CD36: variants seen among roughly 807,000 people sequenced by gnomAD.
The protein encoded by CD36 is platelet glycoprotein 4.
In CD36, 119 loss-of-function variants were observed where a neutral mutation model predicts 55.2. The ratio of observed to expected loss-of-function variants is 2.15; its 90% CI spans 1.86 to 2.51. The LOEUF (loss-of-function observed/expected upper bound fraction) is 2.51. Among genes scored for constraint, CD36 ranks in the 30% most tolerant of loss-of-function variants. The pLI, the probability that CD36 is intolerant of heterozygous loss-of-function variation, is 0.00. For synonymous variants in CD36, 186 were observed against 193.6 expected, an observed-to-expected ratio of 0.96 and a Z score of 0.33; for missense variants, 819 against 555.5, an observed-to-expected ratio of 1.47 and a Z score of -4.77.
chr7:80,672,411 T>C lies in CD36; in HGVS notation c.1126-359T>C, dbSNP rs181683886. ...AAAAGTAAATGAAATTCTAGGATTT[T>C]AGTAGTTATGTTTTAGTTTAAACAA... On this transcript the variant is annotated intron_variant, in intron 11 of 14. Coordinates refer to ENST00000447544, the MANE Select transcript of CD36 (RefSeq NM_001001548.3). 7.9e-5 allele frequency among the ~76,000 whole-genome samples: 12 copies of C among 151,966 alleles called. No individual in the cohort carries two copies. In the East Asian group the frequency reaches 2.3e-3, roughly 29 times the overall value.
chr7:80,670,535 A>T (rs3211936), intron 9 of CD36: 2,294 of 218,570 alleles, frequency 0.01, 53 homozygotes, highest in African/African-American at 0.051. Context: ...TAAGAAAAAT[A>T]TGTGTATTGA....
intron 3 of CD36, among the ~76,000 whole-genome samples, chr7:80,647,444 T>C (rs1795255424): frequency 6.6e-6 from 1 of 152,128 alleles, no homozygotes; most frequent in Non-Finnish European, 1.5e-5. Context: ...AGAAAATACT[T>C]TCAGAAATAT....
chr7:80,671,088 T>C lies in CD36; in HGVS notation c.930T>C (p.Tyr310=), dbSNP rs1449348795. 6.2e-7 allele frequency: 1 copy of C among 1,612,998 alleles called. No homozygotes were observed. The highest frequency in any genetic ancestry group is 1.7e-5 in the Admixed American group (1 of 60,004). ...CTCCAGTTGAAAACCCAGACAACTA[T>C]TGTTTCTGCACAGAAAAAATTATCT... is the stretch of plus-strand genomic sequence containing the variant. The part of the protein sequence containing the change: ...FASPVENPDN[Y]CFCTEKIISK... Residue 310 remains tyrosine, a synonymous_variant, in exon 10 of 15, where the codon TAT becomes TAC. Transcript: ENST00000447544.
At chr7:80,612,657 A>G (rs1259853973) in intron 1 of CD36, among the ~76,000 whole-genome samples, 1 of 152,190 alleles carries the variant, frequency 6.6e-6, no homozygotes, top group African/African-American at 2.4e-5. Flanking sequence ...CACCTGAAAT[A>G]GAAGAGATAA....
At chr7:80,629,867 T>C (rs1180536455) in intron 1 of CD36, among the ~76,000 whole-genome samples, 2 of 150,012 alleles carry the variant, frequency 1.3e-5, no homozygotes, top group African/African-American at 4.9e-5. Flanking sequence ...TTCACCTAGA[T>C]TGTCTGGAGA....
At chr7:80,658,295 G>A (rs3211873) in intron 4 of CD36, among the ~76,000 whole-genome samples, 18,900 of 151,080 alleles carry the variant, frequency 0.13, 1,612 homozygotes, top group East Asian at 0.28. Flanking sequence ...ATATATATAT[G>A]TATTCATAGG....
At chr7:80,645,985 T>G (rs1273898631) in intron 1 of CD36, 103 bp from the exon 2 acceptor site, 1 of 152,244 alleles carries the variant, frequency 6.6e-6, no homozygotes, top group Non-Finnish European at 1.5e-5. Flanking sequence ...AAATTAGACT[T>G]TCTTTTAACA....
At chr7:80,650,402 C>T (rs3211830) in intron 3 of CD36, among the ~76,000 whole-genome samples, 15,171 of 151,812 alleles carry the variant, frequency 0.1, 1,057 homozygotes, top group East Asian at 0.33. Context: ...ATGATATTGG[C>T]GTATGTATAT....
intron 3 of CD36, among the ~76,000 whole-genome samples, chr7:80,653,826 ATAT>A (rs1204547608): frequency 2.6e-5 from 4 of 152,182 alleles, no homozygotes; most frequent in African/African-American, 9.6e-5. Flanking sequence ...CGTCAGAAGC[ATAT>A]TATTACTACT....
intron 11 of CD36, among the ~76,000 whole-genome samples, chr7:80,672,502 CTGATTTT>C (rs937003066): frequency 2.3e-4 from 35 of 151,674 alleles, no homozygotes; most frequent in African/African-American, 8.2e-4. Flanking sequence ...TATTTTGTTG[CTGATTTT>C]TGATTTTTTA....
At chr7:80,675,023 C>A (rs1048463793) in intron 14 of CD36, among the ~76,000 whole-genome samples, 6 of 151,968 alleles carry the variant, frequency 3.9e-5, no homozygotes, top group African/African-American at 1.5e-4. Flanking sequence ...TGTTTGTGAC[C>A]AAAGCATAAA....
At chr7:80,643,013 G>T (rs1794918232) in intron 1 of CD36, among the ~76,000 whole-genome samples, 1 of 152,082 alleles carries the variant, frequency 6.6e-6, no homozygotes, top group Non-Finnish European at 1.5e-5. Flanking sequence ...CAGTACCCAG[G>T]CCTGTCCATT....
At chr7:80,666,595 G>A (rs1449171127) in intron 8 of CD36, 106 bp downstream of exon 8, 5 of 839,666 alleles carry the variant, frequency 6.0e-6, no homozygotes, top group Admixed American at 1.8e-5. Context: ...GTGTTTACTT[G>A]CCTTTATATC....
chr7:80,666,847 T>C (rs1797138983), intron 8 of CD36, among the ~76,000 whole-genome samples: 1 of 152,072 alleles, frequency 6.6e-6, no homozygotes, highest in Non-Finnish European at 1.5e-5. Context: ...TAAGTTAGAA[T>C]TGAAAGAATT....
intron 1 of CD36, among the ~76,000 whole-genome samples, chr7:80,613,953 C>G (rs1793013055): frequency 6.6e-6 from 1 of 152,052 alleles, no homozygotes; most frequent in Non-Finnish European, 1.5e-5. Context: ...TGTAATAATA[C>G]TATCTGAAAA....
chr7:80,664,822 C>T (rs557620474), intron 7 of CD36, among the ~76,000 whole-genome samples: 28 of 145,572 alleles, frequency 1.9e-4, no homozygotes, highest in African/African-American at 6.6e-4. Flanking sequence ...TATAATTATT[C>T]TTACAATTAG....
chr7:80,631,256 G>A (rs1391683733), intron 1 of CD36, among the ~76,000 whole-genome samples: 3 of 151,978 alleles, frequency 2.0e-5, no homozygotes, highest in African/African-American at 7.2e-5. Context: ...TGAGTCCTTC[G>A]TTGTTTGCTG....
At chr7:80,614,232 C>A (rs1793026067) in intron 1 of CD36, among the ~76,000 whole-genome samples, 1 of 152,154 alleles carries the variant, frequency 6.6e-6, no homozygotes, top group Admixed American at 6.6e-5. Flanking sequence ...CTCCAGAGCA[C>A]ATCCGTATTG....
intron 4 of CD36, among the ~76,000 whole-genome samples, chr7:80,660,241 A>G (rs1796415225): frequency 6.6e-6 from 1 of 152,172 alleles, no homozygotes; most frequent in Non-Finnish European, 1.5e-5. Flanking sequence ...CCTAAAATGT[A>G]GTTGGTACTT....
Sources: allele counts gnomAD v4.1 joint callset (sites outside exome capture counted in the v4.1 genomes callset), GRCh38; gene constraint gnomAD v4.1.1; transcripts MANE v1.5; gene names NCBI Gene and HGNC (gene_info 2026-07-23, HGNC 2026-07-21).